SHISA8: variants seen among roughly 807,000 people sequenced by gnomAD.
The protein encoded by SHISA8 is protein shisa-8.
Under a neutral mutation model 21.1 loss-of-function variants are expected in SHISA8, and 21 were observed. That is an observed-to-expected ratio of 0.99 (90% CI 0.71 to 1.43). The LOEUF is 1.43. Ranked by LOEUF, SHISA8 falls within the 40% of genes most tolerant of loss-of-function variation. The probability of loss-of-function intolerance (pLI) is 0.00; values close to 1 mark genes in which losing one functional copy is unlikely to be tolerated. For synonymous variants in SHISA8, 300 were observed against 291.4 expected, an observed-to-expected ratio of 1.03 and a Z score of -0.30; for missense variants, 535 against 599.1, an observed-to-expected ratio of 0.89 and a Z score of 1.12.
Position 41,914,685 on chromosome 22 carries a change from C to T in SHISA8, c.-18G>A. The T allele has an allele frequency of 9.8e-7, 1 of 1,016,700 alleles. No homozygotes were observed. The highest frequency in any genetic ancestry group is 4.6e-5 in the South Asian group (1 of 21,792). The allele number at this position is 1,016,700 out of a possible 1,614,324, so 63.0% of individuals were successfully genotyped here. On this transcript the variant is annotated 5_prime_UTR_variant, in exon 1 of 4. It removes the in-frame stop codon of an upstream open reading frame in the 5' UTR. Transcript: ENST00000621082. The surrounding 1 kb of genome is among the most constrained non-coding windows in gnomAD (Gnocchi z 6.8). ...CGCGCCATCGGGCCCGCGCCTCCCGCTACTGCGCCCGGTGCATGGCCGGGC... is the reference window on the plus strand; with the variant it reads ...CGCGCCATCGGGCCCGCGCCTCCCGTTACTGCGCCCGGTGCATGGCCGGGC...
Position 41,909,949 on chromosome 22 carries a change from G to GCGGGC in SHISA8, c.1005_1009dup (p.Ala337GlyfsTer29), listed in dbSNP as rs1389771908. ...CCGAGCCGTCGGGTGGCTGAGCGGG[G>GCGGGC]CGGGCCGGGCCGGGCGACTGGAGGT... is the stretch of plus-strand genomic sequence containing the variant. On this transcript the variant is annotated frameshift_variant, in exon 4 of 4. Transcript: ENST00000621082. LOFTEE classifies it low-confidence loss of function (END_TRUNC). The GCGGGC allele has an allele frequency of 6.7e-6, 10 of 1,489,396 alleles. No individual in the cohort carries two copies. Among genetic ancestry groups the GCGGGC allele is most frequent in the South Asian group, 2.6e-5 (2 of 78,298 alleles). 92.3% of individuals were successfully genotyped at this position (1,489,396 alleles called of 1,614,324 possible).
In SHISA8 at chr22:41,910,200, G is replaced by A; in HGVS notation, c.812-53C>T. ...CGCCGCGCCGAGCACCCAAGCTCAG[G>A]ACTGGACAAGGGGTCCCGGCCGGGG... On this transcript the variant is annotated intron_variant, in intron 3 of 3. Transcript: ENST00000621082. This position sits in a 1 kb window ranked among gnomAD's most constrained non-coding sequence, Gnocchi z 6.8. The A allele has an allele frequency of 8.1e-7, 1 of 1,230,206 alleles. No individual in the cohort carries two copies. Among genetic ancestry groups the A allele is most frequent in the Non-Finnish European group, 1.0e-6 (1 of 987,480 alleles). 76.2% of individuals were successfully genotyped at this position (1,230,206 alleles called of 1,614,324 possible).
intron 1 of SHISA8, among the ~76,000 whole-genome samples, chr22:41,912,988 TG>T (rs35311359): frequency 6.6e-6 from 1 of 152,236 alleles, no homozygotes; most frequent in East Asian, 1.9e-4. Context: ...TCACCCATCA[TG>T]GGGGACCCCC....
In SHISA8 at chr22:41,910,392, C is replaced by T. The variant is rs1013080510; in HGVS notation, c.811+16G>A. Reference sequence around the variant, plus strand: ...TGCGCCCAGGTGCCCTGACGCTGCCCGCACCCGCCACTCACCTGCGGCCTT... The same window carrying T: ...TGCGCCCAGGTGCCCTGACGCTGCCTGCACCCGCCACTCACCTGCGGCCTT... On this transcript the variant is annotated intron_variant, in intron 3 of 3. Coordinates refer to ENST00000621082, the MANE Select transcript of SHISA8 (RefSeq NM_001207020.3). This position sits in a 1 kb window ranked among gnomAD's most constrained non-coding sequence, Gnocchi z 6.8. 25 of 1,300,404 alleles carry T rather than the reference C, an allele frequency of 1.9e-5. No homozygotes were observed. Among genetic ancestry groups the T allele is most frequent in the Middle Eastern group, 2.9e-4 (1 of 3,414 alleles). 80.6% of individuals were successfully genotyped at this position (1,300,404 alleles called of 1,614,324 possible).
In SHISA8 at chr22:41,914,557, G is replaced by A. The variant is rs1447922786; in HGVS notation, c.111C>T (p.Arg37=). The A allele has an allele frequency of 1.7e-6, 2 of 1,182,474 alleles. No individual in the cohort carries two copies. Among genetic ancestry groups the A allele is most frequent in the African/African-American group, 1.6e-5 (1 of 61,642 alleles). 73.2% of individuals were successfully genotyped at this position (1,182,474 alleles called of 1,614,324 possible). The stretch of plus-strand genomic sequence containing the variant: ...GACCCTGCGCCTCGGGGGCTCCCGC[G>A]CGGCCCGACGGCGGCCGCGCCAGCA... ...ALLLARPPSG[R]AGAPEAQGPA... The change falls in exon 1 of 4, where the codon CGC becomes CGT. Residue 37 remains arginine, a synonymous_variant. Coordinates refer to ENST00000621082, the MANE Select transcript of SHISA8 (RefSeq NM_001207020.3). This position sits in a 1 kb window ranked among gnomAD's most constrained non-coding sequence, Gnocchi z 6.8.
At chr22:41,911,755 T>G (rs2077554677) in intron 1 of SHISA8, among the ~76,000 whole-genome samples, 1 of 152,150 alleles carries the variant, frequency 6.6e-6, no homozygotes, top group Admixed American at 6.5e-5. Flanking sequence ...TTTAATTTTT[T>G]TATCTTTTGA....
chr22:41,911,691 A>C (rs994660482), intron 1 of SHISA8, among the ~76,000 whole-genome samples: 3 of 151,976 alleles, frequency 2.0e-5, no homozygotes, highest in Non-Finnish European at 4.4e-5. Context: ...TCTCCCAAAA[A>C]ACTGCTACTC....
rs763062055 is a variant in SHISA8 at position 41,909,956 on chromosome 22, G to C, written c.1003C>G (p.Arg335Gly). The C allele has an allele frequency of 3.4e-6, 5 of 1,469,608 alleles. No homozygotes were observed. The South Asian group carries it at 5.3e-5, about 16-fold the overall frequency. The allele number at this position is 1,469,608 out of a possible 1,614,324, so 91.0% of individuals were successfully genotyped here. A position where few individuals can be genotyped will look rare whatever the true frequency, so the allele number is the denominator to read the frequency against. Residue 335 changes from arginine (R) to glycine (G), a missense_variant, in exon 4 of 4, where the codon CGG becomes GGG. Physicochemically the swap from Arg to Gly is moderately radical, Grantham distance 125. Coordinates refer to ENST00000621082, the MANE Select transcript of SHISA8 (RefSeq NM_001207020.3). ...YAAWTSSRPARPAPLSHPTAR... is the reference protein window; with the variant it reads ...YAAWTSSRPAGPAPLSHPTAR... ...GTCGGGTGGCTGAGCGGGGCGGGCC[G>C]GGCCGGGCGACTGGAGGTCCAGGCG...
In SHISA8 at chr22:41,909,858, C is replaced by A; in HGVS notation, c.1101G>T (p.Glu367Asp). Residue 367 changes from glutamate to aspartate, a missense_variant, in exon 4 of 4, where the codon GAG becomes GAT. Glu to Asp is a conservative substitution (Grantham distance 45). Coordinates refer to ENST00000621082, the MANE Select transcript of SHISA8 (RefSeq NM_001207020.3). ...ARRQFSVKMP[E>D]TFNPQLPGLY... ...GGCCGGGGAGCTGCGGGTTGAAGGT[C>A]TCAGGCATCTTCACACTGAACTGGC... The A allele has an allele frequency of 6.5e-7, 1 of 1,530,932 alleles. No homozygotes were observed. Among genetic ancestry groups the A allele is most frequent in the South Asian group, 1.2e-5 (1 of 83,156 alleles). The allele number at this position is 1,530,932 out of a possible 1,614,324, so 94.8% of individuals were successfully genotyped here.
At chr22:41,912,691 A>AG (rs1026582316) in intron 1 of SHISA8, among the ~76,000 whole-genome samples, 4 of 152,146 alleles carry the variant, frequency 2.6e-5, no homozygotes, top group African/African-American at 9.7e-5. Context: ...CCCACACACA[A>AG]GCCTACGTCC....
chr22:41,911,767 GC>G (rs967792968), intron 1 of SHISA8, among the ~76,000 whole-genome samples: 1 of 152,116 alleles, frequency 6.6e-6, no homozygotes, highest in African/African-American at 2.4e-5. Context: ...ATCTTTTGAA[GC>G]AGAGTCTCGC....
chr22:41,910,240 C>G lies in SHISA8; in HGVS notation c.812-93G>C. Reference sequence around the variant, plus strand: ...CCCGGCCGGGGACTGGGACGGGGACCGGGCCGGGGCGGGCCGGGGGCGGGG... The same window carrying G: ...CCCGGCCGGGGACTGGGACGGGGACGGGGCCGGGGCGGGCCGGGGGCGGGG... On this transcript the variant is annotated intron_variant, in intron 3 of 3. Transcript: ENST00000621082. The surrounding 1 kb of genome is among the most constrained non-coding windows in gnomAD (Gnocchi z 6.8). The G allele has an allele frequency of 1.6e-6, 2 of 1,221,842 alleles. No individual in the cohort carries two copies. Among genetic ancestry groups the G allele is most frequent in the South Asian group, 7.6e-5 (2 of 26,224 alleles). The allele number at this position is 1,221,842 out of a possible 1,614,324, so 75.7% of individuals were successfully genotyped here. A position where few individuals can be genotyped will look rare whatever the true frequency, so the allele number is the denominator to read the frequency against.
In SHISA8 at chr22:41,910,454, G is replaced by A; in HGVS notation, c.765C>T (p.Asp255=). 7.5e-7 allele frequency: 1 copy of A among 1,336,522 alleles called. No homozygotes were observed. The highest frequency in any genetic ancestry group is 9.6e-7 in the Non-Finnish European group (1 of 1,045,716). The allele number at this position is 1,336,522 out of a possible 1,614,324, so 82.8% of individuals were successfully genotyped here. A position where few individuals can be genotyped will look rare whatever the true frequency, so the allele number is the denominator to read the frequency against. Residue 255 remains aspartate (D), a synonymous_variant, in exon 3 of 4, where the codon GAC becomes GAT. Coordinates refer to ENST00000621082, the MANE Select transcript of SHISA8 (RefSeq NM_001207020.3). This position sits in a 1 kb window ranked among gnomAD's most constrained non-coding sequence, Gnocchi z 6.8. ...CCTTGAACGTGGCGTACTTGGCGTA[G>A]TCTGGCTGCAGCGTCAGGCTGCCGC... The part of the protein sequence containing the change: ...QGGGSLTLQP[D]YAKYATFKAA...
chr22:41,910,233 C>G lies in SHISA8; in HGVS notation c.812-86G>C. 1 of 1,224,002 alleles carries G rather than the reference C, an allele frequency of 8.2e-7. No individual in the cohort carries two copies. The highest frequency in any genetic ancestry group is 1.0e-6 in the Non-Finnish European group (1 of 982,572). The allele number at this position is 1,224,002 out of a possible 1,614,324, so 75.8% of individuals were successfully genotyped here. A position where few individuals can be genotyped will look rare whatever the true frequency, so the allele number is the denominator to read the frequency against. On this transcript the variant is annotated intron_variant, in intron 3 of 3. Coordinates refer to ENST00000621082, the MANE Select transcript of SHISA8 (RefSeq NM_001207020.3). The surrounding 1 kb of genome is among the most constrained non-coding windows in gnomAD (Gnocchi z 6.8). Reference sequence around the variant, plus strand: ...AAGGGGTCCCGGCCGGGGACTGGGACGGGGACCGGGCCGGGGCGGGCCGGG... The same window carrying G: ...AAGGGGTCCCGGCCGGGGACTGGGAGGGGGACCGGGCCGGGGCGGGCCGGG...
chr22:41,910,248 G>T lies in SHISA8; in HGVS notation c.812-101C>A. The T allele has an allele frequency of 8.2e-7, 1 of 1,225,730 alleles. No individual in the cohort carries two copies. Among genetic ancestry groups the T allele is most frequent in the Non-Finnish European group, 1.0e-6 (1 of 982,802 alleles). The allele number at this position is 1,225,730 out of a possible 1,614,324, so 75.9% of individuals were successfully genotyped here. ...GGGACTGGGACGGGGACCGGGCCGGGGCGGGCCGGGGGCGGGGCCCGCTGG... is the reference window on the plus strand; with the variant it reads ...GGGACTGGGACGGGGACCGGGCCGGTGCGGGCCGGGGGCGGGGCCCGCTGG... On this transcript the variant is annotated intron_variant, in intron 3 of 3. Coordinates refer to ENST00000621082, the MANE Select transcript of SHISA8 (RefSeq NM_001207020.3). This position sits in a 1 kb window ranked among gnomAD's most constrained non-coding sequence, Gnocchi z 6.8.
Position 41,914,396 on chromosome 22 carries a change from C to T in SHISA8, c.272G>A (p.Arg91His). 1 of 1,328,792 alleles carries T rather than the reference C, an allele frequency of 7.5e-7. No individual in the cohort carries two copies. Among genetic ancestry groups the T allele is most frequent in the Non-Finnish European group, 9.6e-7 (1 of 1,037,730 alleles). 82.3% of individuals were successfully genotyped at this position (1,328,792 alleles called of 1,614,324 possible). A position where few individuals can be genotyped will look rare whatever the true frequency, so the allele number is the denominator to read the frequency against. ...YSFCCGTCGY[R>H]FCCHDGPRRL... ...CCGCGGCCCGTCGTGGCAGCAGAAG[C>T]GGTAGCCGCACGTGCCGCAGCAGAA... Residue 91 changes from arginine (R) to histidine (H), a missense_variant, in exon 1 of 4, where the codon CGC (arginine) becomes CAC (histidine). Arg to His is a conservative substitution (Grantham distance 29, BLOSUM62 0). Coordinates refer to ENST00000621082, the MANE Select transcript of SHISA8 (RefSeq NM_001207020.3). This position sits in a 1 kb window ranked among gnomAD's most constrained non-coding sequence, Gnocchi z 6.8.
rs552436274 is a variant in SHISA8, at chr22:41,913,991, G to A, written c.530+147C>T. On this transcript the variant is annotated intron_variant, in intron 1 of 3. Coordinates refer to ENST00000621082, the MANE Select transcript of SHISA8 (RefSeq NM_001207020.3). Reference sequence around the variant, plus strand: ...CAGGTGTCTCCCTGATGAAGTGTTGGGGGGGCGGCGGGGGGAGAAGGAGAC... The same window carrying A: ...CAGGTGTCTCCCTGATGAAGTGTTGAGGGGGCGGCGGGGGGAGAAGGAGAC... 21 of 769,342 alleles carry A rather than the reference G, an allele frequency of 2.7e-5. No homozygotes were observed. In the East Asian group the frequency reaches 6.5e-4, roughly 24 times the overall value. The allele number at this position is 769,342 out of a possible 1,614,324, so 47.7% of individuals were successfully genotyped here. A position where few individuals can be genotyped will look rare whatever the true frequency, so the allele number is the denominator to read the frequency against.
In SHISA8 at chr22:41,914,000, C is replaced by G. The variant is rs2077567892; in HGVS notation, c.530+138G>C. 1.4e-5 allele frequency: 13 copies of G among 896,998 alleles called. 1 individual carries two copies. The South Asian group carries it at 3.7e-4, about 26-fold the overall frequency. 55.6% of individuals were successfully genotyped at this position (896,998 alleles called of 1,614,324 possible). Reference sequence around the variant, plus strand: ...CCCTGATGAAGTGTTGGGGGGGCGGCGGGGGGAGAAGGAGACAGGAAAACC... The same window carrying G: ...CCCTGATGAAGTGTTGGGGGGGCGGGGGGGGGAGAAGGAGACAGGAAAACC... On this transcript the variant is annotated intron_variant, in intron 1 of 3. Transcript: ENST00000621082.
Position 41,915,036 on chromosome 22 carries a change from G to A in SHISA8, c.-369C>T, listed in dbSNP as rs1477203705. Among the ~76,000 whole-genome samples, 2 of 151,930 alleles carry A rather than the reference G, an allele frequency of 1.3e-5. No homozygotes were observed. Among genetic ancestry groups the A allele is most frequent in the Non-Finnish European group, 1.5e-5 (1 of 67,930 alleles). ...CCGGGGCCGCGGGCCGCCCGACTGC[G>A]CTACCTTCCCGCCGCGCTCTCAGTA... On this transcript the variant is annotated 5_prime_UTR_variant, in exon 1 of 4. Transcript: ENST00000621082. The surrounding 1 kb of genome is among the most constrained non-coding windows in gnomAD (Gnocchi z 5.0).
Sources: allele counts gnomAD v4.1 joint callset (sites outside exome capture counted in the v4.1 genomes callset), GRCh38; gene constraint gnomAD v4.1.1; non-coding constraint Gnocchi (gnomAD v3.1); transcripts MANE v1.5; gene names NCBI Gene and HGNC (gene_info 2026-07-23, HGNC 2026-07-21).